RALGAPB: variants seen among roughly 807,000 people sequenced by gnomAD.
The protein encoded by RALGAPB is Ral GTPase activating protein non-catalytic subunit beta.
A neutral mutation model predicts 161.1 loss-of-function variants in RALGAPB; 25 were observed. The observed-to-expected ratio is 0.16, with a 90% confidence interval of 0.11 to 0.22. The LOEUF (loss-of-function observed/expected upper bound fraction) is 0.22. RALGAPB is among the 10% of genes least tolerant of loss of function. The probability of loss-of-function intolerance (pLI) is 1.00; values close to 1 mark genes in which losing one functional copy is unlikely to be tolerated. For synonymous variants in RALGAPB, 629 were observed against 626.1 expected (o/e 1.00, Z -0.07); for missense variants, 1,391 against 1,815.2 (o/e 0.77, Z 4.25).
Position 38,499,597 on chromosome 20 carries a change from A to C in RALGAPB, c.704A>C (p.Glu235Ala). Residue 235 changes from glutamate (E) to alanine (A), a missense_variant, in exon 5 of 30, where the codon GAG becomes GCG. Physicochemically the swap from Glu to Ala is moderately radical, Grantham distance 107 (BLOSUM62 -1). Transcript: ENST00000262879. Reference protein sequence around the residue: ...ANWRHHPAVVEQWSKVICALT... With the variant: ...ANWRHHPAVVAQWSKVICALT... ...TGGAGGCATCACCCAGCAGTGGTGG[A>C]GCAGTGGAGCAAGGTCATTTGTGCA... 1 of 1,613,724 alleles carries C rather than the reference A, an allele frequency of 6.2e-7. No individual in the cohort carries two copies.
intron 18 of RALGAPB, among the ~76,000 whole-genome samples, chr20:38,542,063 C>T (rs1372346531): frequency 6.6e-6 from 1 of 152,144 alleles, no homozygotes; most frequent in African/African-American, 2.4e-5. Flanking sequence ...GGAAGGAAGG[C>T]AGCTTAGCCA....
chr20:38,552,285 C>T (rs1160579129), intron 21 of RALGAPB, among the ~76,000 whole-genome samples: 2 of 151,902 alleles, frequency 1.3e-5, no homozygotes, highest in Non-Finnish European at 2.9e-5. Flanking sequence ...TGATTACAGG[C>T]GCATGCCACC....
chr20:38,562,730 TTCTTGTTTGTTAG>T, intron 24 of RALGAPB, 33 bp downstream of exon 24: 3 of 1,559,694 alleles, frequency 1.9e-6, no homozygotes, highest in Non-Finnish European at 2.6e-6. Flanking sequence ...TGTCAGTTGT[TTCTTGTTTGTTAG>T]TCTTGTTTTT....
intron 24 of RALGAPB, among the ~76,000 whole-genome samples, chr20:38,563,641 A>G (rs2087872752): frequency 6.6e-6 from 1 of 152,224 alleles, no homozygotes; most frequent in Non-Finnish European, 1.5e-5. Context: ...GATAATGCCT[A>G]TGCCCAGTGC....
chr20:38,481,023 A>G (rs1284023464), intron 1 of RALGAPB, among the ~76,000 whole-genome samples: 1 of 152,070 alleles, frequency 6.6e-6, no homozygotes, highest in East Asian at 1.9e-4. Flanking sequence ...GGCGTGACCC[A>G]CTGTACCCGG....
In RALGAPB at chr20:38,499,414, T is replaced by C. The variant is rs1318186880; in HGVS notation, c.554-33T>C. On this transcript the variant is annotated intron_variant, in intron 4 of 29. Coordinates refer to ENST00000262879, the MANE Select transcript of RALGAPB (RefSeq NM_020336.4). Reference sequence around the variant, plus strand: ...TAAAGATTCTGCTTTAAAAATAAGTTTGCCAAAGATGTGTTTTCTTTTTGT... The same window carrying C: ...TAAAGATTCTGCTTTAAAAATAAGTCTGCCAAAGATGTGTTTTCTTTTTGT... The C allele has an allele frequency of 1.9e-6, 3 of 1,538,628 alleles. No homozygotes were observed. The African/African-American group carries it at 4.2e-5, about 21-fold the overall frequency.
In RALGAPB at chr20:38,575,145, T is replaced by G. The variant is rs989436499; in HGVS notation, c.*178T>G. ...TGATAGAAGACTTTGGGCTATCTAGTGAAATGGGCTCCCAGACACAATCAC... is the reference window on the plus strand; with the variant it reads ...TGATAGAAGACTTTGGGCTATCTAGGGAAATGGGCTCCCAGACACAATCAC... On this transcript the variant is annotated 3_prime_UTR_variant, in exon 30 of 30. Coordinates refer to ENST00000262879, the MANE Select transcript of RALGAPB (RefSeq NM_020336.4). 4 of 588,424 alleles carry G rather than the reference T, an allele frequency of 6.8e-6. No individual in the cohort carries two copies. The African/African-American group carries it at 7.4e-5, about 11-fold the overall frequency. The allele number at this position is 588,424 out of a possible 1,614,324, so 36.5% of individuals were successfully genotyped here. A position where few individuals can be genotyped will look rare whatever the true frequency, so the allele number is the denominator to read the frequency against.
chr20:38,526,658 A>G (rs141922732), intron 13 of RALGAPB, among the ~76,000 whole-genome samples: 291 of 152,228 alleles, frequency 1.9e-3, no homozygotes, highest in African/African-American at 6.7e-3. Flanking sequence ...TTTTTTCACA[A>G]CACAAAACCT....
intron 5 of RALGAPB, among the ~76,000 whole-genome samples, chr20:38,502,494 A>G (rs1215245949): frequency 2.0e-5 from 3 of 152,256 alleles, no homozygotes; most frequent in Admixed American, 6.5e-5. Flanking sequence ...CTGCCAGTTC[A>G]GGCAGACAAT....
At chr20:38,513,447 C>T (rs1224177923) in intron 6 of RALGAPB, among the ~76,000 whole-genome samples, 1 of 149,222 alleles carries the variant, frequency 6.7e-6, no homozygotes, top group African/African-American at 2.5e-5. Flanking sequence ...AGGTTGCACT[C>T]CAGCCCGGGC....
rs773616295 is a variant in RALGAPB at position 38,530,162 on chromosome 20, T to TA, written c.2051-1004dup. On this transcript the variant is annotated intron_variant, in intron 13 of 29. Transcript: ENST00000262879. The stretch of plus-strand genomic sequence containing the variant: ...CAATTTACTGCAGTGTTCAGTCTGT[T>TA]AGAGAGATGAACTACTCACATGGAG... Among the ~76,000 whole-genome samples, 8 of 152,330 alleles carry TA rather than the reference T, an allele frequency of 5.3e-5. No homozygotes were observed. In the East Asian group the frequency reaches 1.4e-3, roughly 26 times the overall value.
At chr20:38,546,515 C>G in intron 19 of RALGAPB, 85 bp downstream of exon 19, 1 of 1,561,922 alleles carries the variant, frequency 6.4e-7, no homozygotes. Flanking sequence ...CAGGGAAGGA[C>G]AGCCTACAGA....
At chr20:38,516,089 A>G (rs1276959300) in intron 6 of RALGAPB, 103 bp from the exon 7 acceptor site, 3 of 860,458 alleles carry the variant, frequency 3.5e-6, no homozygotes, top group African/African-American at 3.5e-5. Flanking sequence ...TCTTTTCTGA[A>G]TCAGAGAAAT....
intron 2 of RALGAPB, among the ~76,000 whole-genome samples, chr20:38,491,041 T>C (rs113976743): frequency 6.1e-4 from 93 of 152,348 alleles, no homozygotes; most frequent in African/African-American, 2.2e-3. Flanking sequence ...TCTTTTAGAA[T>C]CTCTTCTCTT....
chr20:38,477,683 A>G (rs1328169935), intron 1 of RALGAPB, among the ~76,000 whole-genome samples: 2 of 152,188 alleles, frequency 1.3e-5, no homozygotes, highest in Admixed American at 1.3e-4. Context: ...CCCAAGAGAA[A>G]TAGGCATGTC....
rs1471746433 is a variant in RALGAPB, at chr20:38,510,717, C to T, written c.872+1509C>T. On this transcript the variant is annotated intron_variant, in intron 6 of 29. Transcript: ENST00000262879. Reference sequence around the variant, plus strand: ...CGAGGTCAGGAGATCGAGACCATCCCGGCTAAAACGGTGAAACCCCGTCTC... The same window carrying T: ...CGAGGTCAGGAGATCGAGACCATCCTGGCTAAAACGGTGAAACCCCGTCTC... Among the ~76,000 whole-genome samples, 14 of 121,090 alleles carry T rather than the reference C, an allele frequency of 1.2e-4. 4 individuals are homozygous for T. Among genetic ancestry groups the T allele is most frequent in the African/African-American group, 8.0e-4 (13 of 16,314 alleles). The allele number at this position is 121,090 out of a possible 152,430, so 79.4% of individuals were successfully genotyped here.
chr20:38,477,759 T>C (rs1460015721), intron 1 of RALGAPB, among the ~76,000 whole-genome samples: 2 of 152,214 alleles, frequency 1.3e-5, no homozygotes, highest in East Asian at 3.8e-4. Flanking sequence ...TATTTGATCC[T>C]TCTCCCAGGT....
chr20:38,532,993 T>A, intron 15 of RALGAPB, 134 bp downstream of exon 15: 1 of 1,052,658 alleles, frequency 9.5e-7, no homozygotes, highest in Non-Finnish European at 1.3e-6. Flanking sequence ...GATGTCAGTC[T>A]TAAGAAGCTA....
At chr20:38,569,811 T>A in intron 26 of RALGAPB, 77 bp from the exon 27 acceptor site, 1 of 1,058,514 alleles carries the variant, frequency 9.4e-7, no homozygotes, top group Non-Finnish European at 1.4e-6. Context: ...GACAAATGAA[T>A]GACTGGGTAG....
Sources: gnomAD v4.1 joint callset for allele counts (sites outside exome capture counted in the v4.1 genomes callset) on GRCh38, gnomAD v4.1.1 for gene constraint, MANE v1.5 for transcripts, NCBI Gene and HGNC (gene_info 2026-07-23, HGNC 2026-07-21) for gene names.